The following CEP170 variants were observed in gnomAD, a reference collection of about 807,000 sequenced individuals.
The protein encoded by CEP170 is centrosomal protein of 170 kDa.
A neutral mutation model predicts 151.9 loss-of-function variants in CEP170; 21 were observed. That is an observed-to-expected ratio of 0.14 (90% CI 0.10 to 0.20). The LOEUF (loss-of-function observed/expected upper bound fraction) is 0.20. CEP170 is among the 10% of genes least tolerant of loss of function. CEP170 has a pLI of 1.00. For missense variants in CEP170, 964 were observed against 1,892.9 expected (o/e 0.51, Z 9.11); for synonymous variants, 356 against 648.8 (o/e 0.55, Z 6.86).
Position 243,192,084 on chromosome 1 carries a change from T to C in CEP170, c.632-590A>G, listed in dbSNP as rs114038772. ...ACTTTCAGAATGACAAAGATATTGC[T>C]GAAGTGCGATCCTTGCAAGAAGATA... is the stretch of plus-strand genomic sequence containing the variant. On this transcript the variant is annotated intron_variant, in intron 7 of 19. Coordinates refer to ENST00000366542, the MANE Select transcript of CEP170 (RefSeq NM_014812.3). 1.2e-3 allele frequency among the ~76,000 whole-genome samples: 189 copies of C among 152,300 alleles called. 2 individuals are homozygous for C. The highest frequency in any genetic ancestry group is 4.4e-3 in the African/African-American group (184 of 41,562).
intron 1 of CEP170, among the ~76,000 whole-genome samples, chr1:243,243,850 CCA>C (rs948343244): frequency 6.6e-6 from 1 of 151,484 alleles, no homozygotes; most frequent in Non-Finnish European, 1.5e-5. Context: ...AAAGTAGACA[CCA>C]CACACACACA....
chr1:243,214,956 CTGAA>C (rs2148935589), intron 3 of CEP170, among the ~76,000 whole-genome samples: 1 of 152,184 alleles, frequency 6.6e-6, no homozygotes, highest in East Asian at 1.9e-4. Context: ...GTCAGTGACC[CTGAA>C]TGGAGGGACC....
chr1:243,246,831 G>C (rs748029157), intron 1 of CEP170, among the ~76,000 whole-genome samples: 5 of 152,054 alleles, frequency 3.3e-5, no homozygotes, highest in African/African-American at 1.2e-4. Flanking sequence ...TGCATTATAT[G>C]CATTTTTTAT....
At chr1:243,178,244 G>A (rs1332800404) in intron 10 of CEP170, among the ~76,000 whole-genome samples, 1 of 132,400 alleles carries the variant, frequency 7.6e-6, no homozygotes, top group Non-Finnish European at 1.5e-5. Context: ...CAGGAGAATC[G>A]CATAACGTGA....
intron 4 of CEP170, among the ~76,000 whole-genome samples, chr1:243,210,608 A>ATTTTTTTTTTTTTTTTTTTTTTTT (rs751388751): frequency 5.9e-5 from 4 of 67,958 alleles, no homozygotes; most frequent in Non-Finnish European, 7.6e-5. Flanking sequence ...ATTTTTCGTA[A>ATTTTTTTTTTTTTTTTTTTTTTTT]TTTTTTTTTT....
chr1:243,245,444 G>A (rs928934311), intron 1 of CEP170, among the ~76,000 whole-genome samples: 6 of 151,910 alleles, frequency 3.9e-5, no homozygotes, highest in Non-Finnish European at 5.9e-5. Context: ...TGGCCAGTGC[G>A]GTGGCTCACG....
intron 10 of CEP170, among the ~76,000 whole-genome samples, chr1:243,183,221 G>T (rs1172820841): frequency 1.3e-5 from 2 of 152,116 alleles, no homozygotes; most frequent in Non-Finnish European, 2.9e-5. Context: ...TTGAATTAAA[G>T]TTGCTAAATA....
chr1:243,239,993 C>A (rs941557577), intron 1 of CEP170, among the ~76,000 whole-genome samples: 19 of 152,144 alleles, frequency 1.2e-4, no homozygotes, highest in Non-Finnish European at 4.4e-5. Context: ...AGAAATCTGA[C>A]ATAAAATTCA....
At chr1:243,210,720 T>TTC (rs1409235156) in intron 4 of CEP170, among the ~76,000 whole-genome samples, 5 of 145,318 alleles carry the variant, frequency 3.4e-5, no homozygotes, top group Non-Finnish European at 6.0e-5. Flanking sequence ...GTTCAAGCGA[T>TTC]TCTCCTGCCT....
At chr1:243,198,085 G>C (rs1475806592) in intron 7 of CEP170, among the ~76,000 whole-genome samples, 1 of 152,084 alleles carries the variant, frequency 6.6e-6, no homozygotes, top group Admixed American at 6.6e-5. Flanking sequence ...AGTGAGAAGA[G>C]TTCTCATGGA....
rs1022156893 is a variant in CEP170, at chr1:243,215,173, C to T, written c.196-3209G>A. On this transcript the variant is annotated intron_variant, in intron 3 of 19. Coordinates refer to ENST00000366542, the MANE Select transcript of CEP170 (RefSeq NM_014812.3). ...ATGCCTGTCTTTAATCTCTTAATCC[C>T]GTCATCTTCGTAAGCTGAGGATGTA... 1.1e-4 allele frequency among the ~76,000 whole-genome samples: 16 copies of T among 152,284 alleles called. 1 individual carries two copies. The highest frequency in any genetic ancestry group is 6.2e-4 in the South Asian group (3 of 4,832).
intron 1 of CEP170, among the ~76,000 whole-genome samples, chr1:243,237,630 G>A (rs1027588609): frequency 1.2e-3 from 181 of 152,286 alleles, no homozygotes; most frequent in African/African-American, 4.2e-3. Flanking sequence ...GGCCAGGCAT[G>A]GTGGCTCACG....
Position 243,165,528 on chromosome 1 carries a change from T to C in CEP170, c.2432A>G (p.Lys811Arg), listed in dbSNP as rs1572385908. 4.3e-6 allele frequency: 7 copies of C among 1,612,458 alleles called. No individual in the cohort carries two copies. The highest frequency in any genetic ancestry group is 2.7e-5 in the African/African-American group (2 of 74,854). The change falls in exon 13 of 20, where the codon AAA becomes AGA. Residue 811 changes from lysine to arginine, a missense_variant. Transcript: ENST00000366542. ...CTGACTTTTCAGAATTTCCTCAGCT[T>C]TTCTTCTCTTGCTCTCACTTTGTGC... The part of the protein sequence containing the change: ...RVAQSESKRR[K>R]AEEILKSQTP...
chr1:243,220,621 T>A (rs1395613372), intron 3 of CEP170, among the ~76,000 whole-genome samples: 9 of 152,242 alleles, frequency 5.9e-5, no homozygotes, highest in Admixed American at 2.6e-4. Context: ...GATGTACATT[T>A]GAAAAGCATG....
intron 4 of CEP170, among the ~76,000 whole-genome samples, chr1:243,203,591 ATG>A (rs1477018403): frequency 1.3e-5 from 2 of 152,190 alleles, no homozygotes; most frequent in East Asian, 3.8e-4. Flanking sequence ...TTCAAAAATC[ATG>A]TCAGATAATT....
chr1:243,157,900 G>A (rs1399351578), intron 13 of CEP170, among the ~76,000 whole-genome samples: 1 of 152,174 alleles, frequency 6.6e-6, no homozygotes, highest in Admixed American at 6.5e-5. Context: ...TTCATTCATA[G>A]GTATGACAGA....
intron 16 of CEP170, among the ~76,000 whole-genome samples, chr1:243,136,830 G>T (rs2055140347): frequency 6.7e-6 from 1 of 149,606 alleles, no homozygotes; most frequent in South Asian, 2.1e-4. Flanking sequence ...GGGACACAGG[G>T]TCTAAGTAAT....
rs562570860 is a variant in CEP170, at chr1:243,209,026, T to C, written c.274+2860A>G. Among the ~76,000 whole-genome samples, 15 of 152,362 alleles carry C rather than the reference T, an allele frequency of 9.8e-5. No homozygotes were observed. In the East Asian group the frequency reaches 1.5e-3, roughly 16 times the overall value. On this transcript the variant is annotated intron_variant, in intron 4 of 19. Coordinates refer to ENST00000366542, the MANE Select transcript of CEP170 (RefSeq NM_014812.3). ...ATTACTGCAGCATTTTAGTACTCCT[T>C]ATGAGTTTACGGTCATTTTAAAAGC...
chr1:243,204,663 C>G (rs1475417595), intron 4 of CEP170, among the ~76,000 whole-genome samples: 2 of 152,128 alleles, frequency 1.3e-5, no homozygotes, highest in East Asian at 3.9e-4. Flanking sequence ...CCTAATCTCA[C>G]CCATCTCTTA....
Sources: allele counts gnomAD v4.1 joint callset (sites outside exome capture counted in the v4.1 genomes callset), GRCh38; gene constraint gnomAD v4.1.1; transcripts MANE v1.5; gene names NCBI Gene and HGNC (gene_info 2026-07-23, HGNC 2026-07-21).